Variants in SLCO5A1 observed in about 807,000 individuals in gnomAD.
SLCO5A1 encodes the protein solute carrier organic anion transporter family member 5A1.
In SLCO5A1, 39 loss-of-function variants were observed where a neutral mutation model predicts 65.1. That is an observed-to-expected ratio of 0.60 (90% CI 0.46 to 0.78). The LOEUF is 0.78. Among genes scored for constraint, SLCO5A1 ranks in the 30% least tolerant of loss-of-function variants. The probability of loss-of-function intolerance (pLI) is 0.00; values close to 1 mark genes in which losing one functional copy is unlikely to be tolerated. For missense variants in SLCO5A1, 1,029 were observed against 1,069.4 expected, an observed-to-expected ratio of 0.96 and a Z score of 0.53; for synonymous variants, 438 against 415.7, an observed-to-expected ratio of 1.05 and a Z score of -0.65.
At chr8:69,727,008 C>T (rs1816111309) in intron 5 of SLCO5A1, among the ~76,000 whole-genome samples, 1 of 152,066 alleles carries the variant, frequency 6.6e-6, no homozygotes, top group African/African-American at 2.4e-5. Context: ...GTGTGAAGCC[C>T]ACAACATACT....
intron 2 of SLCO5A1, among the ~76,000 whole-genome samples, chr8:69,797,059 C>T (rs140577603): frequency 0.01 from 1,556 of 152,234 alleles, 27 homozygotes; most frequent in African/African-American, 0.036. Context: ...TCCTGTGTTG[C>T]GGGAAGTAAG....
chr8:69,820,772 T>C (rs1215766142), intron 2 of SLCO5A1, among the ~76,000 whole-genome samples: 1 of 152,180 alleles, frequency 6.6e-6, no homozygotes, highest in African/African-American at 2.4e-5. Context: ...AATATATCTA[T>C]GCATATATTA....
intron 5 of SLCO5A1, among the ~76,000 whole-genome samples, chr8:69,733,368 T>C (rs1313558314): frequency 6.6e-6 from 1 of 152,172 alleles, no homozygotes; most frequent in African/African-American, 2.4e-5. Context: ...AATGCTGACA[T>C]AGAGAGAGAC....
At chr8:69,807,669 G>A (rs1249704521) in intron 2 of SLCO5A1, among the ~76,000 whole-genome samples, 4 of 152,136 alleles carry the variant, frequency 2.6e-5, no homozygotes, top group Non-Finnish European at 5.9e-5. Context: ...GTTCATCCGT[G>A]TTGTCGCAAA....
chr8:69,719,083 A>C (rs1302081185), intron 5 of SLCO5A1, among the ~76,000 whole-genome samples: 1 of 152,256 alleles, frequency 6.6e-6, no homozygotes, highest in Non-Finnish European at 1.5e-5. Flanking sequence ...CCAGGAGTCC[A>C]GGATAATAAA....
At chr8:69,771,333 G>A (rs182702108) in intron 2 of SLCO5A1, among the ~76,000 whole-genome samples, 5 of 151,948 alleles carry the variant, frequency 3.3e-5, no homozygotes, top group African/African-American at 9.7e-5. Context: ...CATTTCTTGG[G>A]GTGTTATATT....
intron 2 of SLCO5A1, among the ~76,000 whole-genome samples, chr8:69,777,387 G>T (rs374123680): frequency 6.5e-4 from 99 of 151,952 alleles, no homozygotes; most frequent in African/African-American, 2.3e-3. Flanking sequence ...AATGTTACCC[G>T]GGGACTGAGG....
chr8:69,800,885 CTGTT>C (rs1267937652), intron 2 of SLCO5A1, among the ~76,000 whole-genome samples: 1 of 152,180 alleles, frequency 6.6e-6, no homozygotes, highest in Non-Finnish European at 1.5e-5. Flanking sequence ...CTACATGGGA[CTGTT>C]TGGCCACAAT....
intron 2 of SLCO5A1, among the ~76,000 whole-genome samples, chr8:69,788,103 A>G (rs557692582): frequency 2.7e-4 from 41 of 152,224 alleles, no homozygotes; most frequent in African/African-American, 9.6e-4. Flanking sequence ...TTAAAAGAAA[A>G]AAATCACACA....
At chr8:69,811,307 T>C (rs984282488) in intron 2 of SLCO5A1, among the ~76,000 whole-genome samples, 3 of 152,160 alleles carry the variant, frequency 2.0e-5, no homozygotes, top group Non-Finnish European at 4.4e-5. Context: ...ACAGCGCCTG[T>C]CGTAATTACC....
At chr8:69,691,003 C>G (rs1259388365) in intron 6 of SLCO5A1, among the ~76,000 whole-genome samples, 1 of 152,054 alleles carries the variant, frequency 6.6e-6, no homozygotes, top group Non-Finnish European at 1.5e-5. Context: ...CAGACTTAAC[C>G]CCATTTAAAA....
At chr8:69,767,889 C>CAAAAAAAAAAAAAAAAAAAAAAAAAAA (rs746004982) in intron 2 of SLCO5A1, among the ~76,000 whole-genome samples, 1 of 35,046 alleles carries the variant, frequency 2.9e-5, no homozygotes, top group Non-Finnish European at 5.5e-5. Context: ...GACTCCATCT[C>CAAAAAAAAAAAAAAAAAAAAAAAAAAA]AAAAAAAAAA....
At chr8:69,696,652 G>GGTAGAGGGAGAGAAAAGACA (rs1328372099) in intron 6 of SLCO5A1, among the ~76,000 whole-genome samples, 1 of 152,196 alleles carries the variant, frequency 6.6e-6, no homozygotes, top group Non-Finnish European at 1.5e-5. Context: ...TTGTATTTGA[G>GGTAGAGGGAGAGAAAAGACA]GTAGAGGGAG....
intron 2 of SLCO5A1, among the ~76,000 whole-genome samples, chr8:69,787,929 A>C (rs1368721934): frequency 1.3e-5 from 2 of 152,196 alleles, no homozygotes; most frequent in Non-Finnish European, 2.9e-5. Flanking sequence ...TACAATGTAC[A>C]TGATATATAA....
At chr8:69,799,622 A>T (rs1453940556) in intron 2 of SLCO5A1, among the ~76,000 whole-genome samples, 1 of 152,230 alleles carries the variant, frequency 6.6e-6, no homozygotes, top group Non-Finnish European at 1.5e-5. Flanking sequence ...ATTAACTCAC[A>T]GTTCAACATG....
chr8:69,808,379 T>G (rs1820095139), intron 2 of SLCO5A1, among the ~76,000 whole-genome samples: 1 of 152,174 alleles, frequency 6.6e-6, no homozygotes, highest in African/African-American at 2.4e-5. Flanking sequence ...CCATGTGTTC[T>G]CATTGTTTAG....
intron 2 of SLCO5A1, among the ~76,000 whole-genome samples, chr8:69,765,198 A>T (rs183002150): frequency 6.6e-6 from 1 of 152,004 alleles, no homozygotes; most frequent in East Asian, 1.9e-4. Flanking sequence ...GCCTGTGTGT[A>T]TACAGATACA....
chr8:69,777,600 A>C (rs1818614259), intron 2 of SLCO5A1, among the ~76,000 whole-genome samples: 1 of 152,114 alleles, frequency 6.6e-6, no homozygotes, highest in Admixed American at 6.6e-5. Context: ...GCAGTCCAAA[A>C]ATATTAAATG....
intron 5 of SLCO5A1, among the ~76,000 whole-genome samples, chr8:69,737,499 C>T (rs1816608824): frequency 6.6e-6 from 1 of 152,094 alleles, no homozygotes; most frequent in Non-Finnish European, 1.5e-5. Context: ...AGATTTTAAG[C>T]ACTAAGTACT....
Sources: allele counts gnomAD v4.1 joint callset (sites outside exome capture counted in the v4.1 genomes callset), GRCh38; gene constraint gnomAD v4.1.1; transcripts MANE v1.5; gene names NCBI Gene and HGNC (gene_info 2026-07-23, HGNC 2026-07-21).